DAAM1: variants seen among roughly 807,000 people sequenced by gnomAD.
DAAM1 encodes the protein disheveled-associated activator of morphogenesis 1.
A neutral mutation model predicts 130.0 loss-of-function variants in DAAM1; 52 were observed. The ratio of observed to expected loss-of-function variants is 0.40; its 90% CI spans 0.32 to 0.50. The LOEUF (loss-of-function observed/expected upper bound fraction) is 0.50. Among genes scored for constraint, DAAM1 ranks in the 20% least tolerant of loss-of-function variants. The pLI, the probability that DAAM1 is intolerant of heterozygous loss-of-function variation, is 0.61. For missense variants in DAAM1, 1,134 were observed against 1,303.8 expected (o/e 0.87, Z 2.01); for synonymous variants, 452 against 444.5 (o/e 1.02, Z -0.21).
Position 59,325,980 on chromosome 14 carries a change from T to C in DAAM1, c.1077T>C (p.Ser359=), listed in dbSNP as rs750185061. The C allele has an allele frequency of 3.1e-6, 5 of 1,614,180 alleles. No homozygotes were observed. In the African/African-American group the frequency reaches 5.3e-5, roughly 17 times the overall value. Residue 359 remains serine (S), a synonymous_variant, in exon 10 of 25, where the codon AGT becomes AGC. Transcript: ENST00000360909. ...RFELVHIDTK[S]ATQMFELTRK... ...AATAGGTTCACATAGACACAAAAAG[T>C]GCAACTCAGATGTTTGAGCTGACCA... is the stretch of plus-strand genomic sequence containing the variant.
intron 1 of DAAM1, among the ~76,000 whole-genome samples, chr14:59,215,533 A>G (rs543868684): frequency 1.0e-3 from 153 of 152,340 alleles, no homozygotes; most frequent in African/African-American, 3.6e-3. Flanking sequence ...TGCAGGCGGC[A>G]GCCGCTGCAG....
At chr14:59,270,178 A>T (rs1882646611) in intron 2 of DAAM1, among the ~76,000 whole-genome samples, 3 of 152,300 alleles carry the variant, frequency 2.0e-5, no homozygotes, top group Admixed American at 6.5e-5. Context: ...TCTTATCTTA[A>T]TCCATTTTAT....
chr14:59,219,463 T>G (rs1490510654), intron 1 of DAAM1, among the ~76,000 whole-genome samples: 1 of 152,232 alleles, frequency 6.6e-6, no homozygotes, highest in Non-Finnish European at 1.5e-5. Flanking sequence ...AGAACACTTT[T>G]TATTCTTGGC....
At chr14:59,202,995 CTTT>C (rs1159998453) in intron 1 of DAAM1, among the ~76,000 whole-genome samples, 1 of 139,534 alleles carries the variant, frequency 7.2e-6, no homozygotes. Flanking sequence ...CATGAGCTTT[CTTT>C]TTTTTTTTTT....
At chr14:59,367,668 T>C in intron 24 of DAAM1, 69 bp downstream of exon 24, 1 of 1,530,656 alleles carries the variant, frequency 6.5e-7, no homozygotes, top group Admixed American at 2.0e-5. Context: ...GTCAAAGGTA[T>C]TTAGAGAGCA....
intron 3 of DAAM1, among the ~76,000 whole-genome samples, chr14:59,302,142 A>G (rs1468484306): frequency 2.0e-5 from 3 of 152,212 alleles, no homozygotes; most frequent in Non-Finnish European, 2.9e-5. Flanking sequence ...AGAAAATCCA[A>G]AATTTGAAAC....
At chr14:59,220,742 C>T (rs559479351) in intron 1 of DAAM1, among the ~76,000 whole-genome samples, 1 of 152,204 alleles carries the variant, frequency 6.6e-6, no homozygotes, top group East Asian at 1.9e-4. Context: ...GTGTGAGTAC[C>T]AGAGCCAAAG....
chr14:59,331,240 C>A lies in DAAM1; in HGVS notation c.1592C>A (p.Pro531His). The change falls in exon 14 of 25, where the codon CCC becomes CAC. Residue 531 changes from proline to histidine, a missense_variant. Transcript: ENST00000360909. Reference protein sequence around the residue: ...RAVCASIPGGPSPGAPGGPFP... With the variant: ...RAVCASIPGGHSPGAPGGPFP... The stretch of plus-strand genomic sequence containing the variant: ...GTCTGTGCTTCAATCCCAGGTGGAC[C>A]CTCGCCTGGAGCACCAGGAGGGCCC... 1.2e-6 allele frequency: 2 copies of A among 1,612,960 alleles called. No homozygotes were observed. The highest frequency in any genetic ancestry group is 3.3e-5 in the Admixed American group (2 of 60,016).
chr14:59,256,144 C>T (rs542146472), intron 1 of DAAM1, among the ~76,000 whole-genome samples: 3 of 152,284 alleles, frequency 2.0e-5, no homozygotes, highest in Admixed American at 2.0e-4. Context: ...TTTATGCCAA[C>T]CTTAACATTT....
At chr14:59,333,159 A>G (rs1885505953) in intron 15 of DAAM1, among the ~76,000 whole-genome samples, 1 of 152,198 alleles carries the variant, frequency 6.6e-6, no homozygotes, top group Non-Finnish European at 1.5e-5. Context: ...ATTTAAATGA[A>G]TATTTTTCCT....
At chr14:59,229,087 C>G (rs1889026502) in intron 1 of DAAM1, among the ~76,000 whole-genome samples, 1 of 152,150 alleles carries the variant, frequency 6.6e-6, no homozygotes. Flanking sequence ...ATTTAATGGG[C>G]TGATTTTGAA....
At chr14:59,216,687 T>C (rs1888591279) in intron 1 of DAAM1, among the ~76,000 whole-genome samples, 1 of 151,068 alleles carries the variant, frequency 6.6e-6, no homozygotes, top group African/African-American at 2.4e-5. Context: ...ACCACTACAC[T>C]CCAGCCTGAG....
chr14:59,233,350 A>G (rs1000545897), intron 1 of DAAM1, among the ~76,000 whole-genome samples: 6 of 152,186 alleles, frequency 3.9e-5, no homozygotes, highest in Admixed American at 2.0e-4. Flanking sequence ...AAGAGATGGT[A>G]TCTCATTGTG....
chr14:59,354,258 C>T (rs1886392469), intron 19 of DAAM1, among the ~76,000 whole-genome samples: 1 of 152,140 alleles, frequency 6.6e-6, no homozygotes, highest in Non-Finnish European at 1.5e-5. Context: ...GACGGGGTTT[C>T]ACCACGTTAG....
At chr14:59,205,798 A>G (rs1016470210) in intron 1 of DAAM1, among the ~76,000 whole-genome samples, 2 of 152,222 alleles carry the variant, frequency 1.3e-5, no homozygotes, top group South Asian at 2.1e-4. Flanking sequence ...CTTAAACTTC[A>G]TTTTGTAGGA....
intron 1 of DAAM1, among the ~76,000 whole-genome samples, chr14:59,233,697 T>C (rs1889192049): frequency 6.6e-6 from 1 of 152,244 alleles, no homozygotes; most frequent in African/African-American, 2.4e-5. Context: ...GTTTTAATCA[T>C]GAAGTCTTTG....
At position 59,336,623 on chromosome 14, in the gene DAAM1, G is replaced by A. The variant is rs915357371; in HGVS notation, c.1969-3451G>A. 2.0e-5 allele frequency among the ~76,000 whole-genome samples: 3 copies of A among 152,124 alleles called. 1 individual carries two copies. In the South Asian group the frequency reaches 6.2e-4, roughly 32 times the overall value. On this transcript the variant is annotated intron_variant, in intron 15 of 24. Transcript: ENST00000360909. ...GTAATAATTGAAGAAACTCTTGCTT[G>A]GCATTCTTCATCCTCACCTCTAGAA... is the stretch of plus-strand genomic sequence containing the variant.
chr14:59,254,610 T>G (rs1163886970), intron 1 of DAAM1, among the ~76,000 whole-genome samples: 1 of 152,180 alleles, frequency 6.6e-6, no homozygotes, highest in East Asian at 1.9e-4. Context: ...TGAGCTGTGA[T>G]GTCTTCGGGT....
At chr14:59,361,078 G>A (rs569016062) in intron 22 of DAAM1, among the ~76,000 whole-genome samples, 2 of 152,302 alleles carry the variant, frequency 1.3e-5, no homozygotes, top group South Asian at 4.1e-4. Context: ...AGTCACTGCA[G>A]CAGGAACTGG....
Sources: allele counts gnomAD v4.1 joint callset (sites outside exome capture counted in the v4.1 genomes callset), GRCh38; gene constraint gnomAD v4.1.1; transcripts MANE v1.5; gene names NCBI Gene and HGNC (gene_info 2026-07-23, HGNC 2026-07-21).